Variants in TRIO observed in about 807,000 individuals in gnomAD.
TRIO encodes trio Rho guanine nucleotide exchange factor.
A neutral mutation model predicts 351.9 loss-of-function variants in TRIO; 58 were observed. That is an observed-to-expected ratio of 0.16 (90% CI 0.13 to 0.21). TRIO has a LOEUF of 0.21. TRIO is among the 10% of genes least tolerant of loss of function. TRIO has a pLI of 1.00. For missense variants in TRIO, 3,201 were observed against 4,027.8 expected, an observed-to-expected ratio of 0.79 and a Z score of 5.56; for synonymous variants, 1,758 against 1,595.7, an observed-to-expected ratio of 1.10 and a Z score of -2.42.
intron 11 of TRIO, among the ~76,000 whole-genome samples, chr5:14,356,088 C>A (rs1246684117): frequency 6.6e-6 from 1 of 152,024 alleles, no homozygotes; most frequent in African/African-American, 2.4e-5. Context: ...TTCTTAGGAC[C>A]CTGGGTAACA....
chr5:14,215,445 C>T (rs182120630), intron 1 of TRIO, among the ~76,000 whole-genome samples: 94 of 152,282 alleles, frequency 6.2e-4, no homozygotes, highest in South Asian at 6.2e-4. Flanking sequence ...AGTGAATATG[C>T]TAGTGATAAA....
chr5:14,295,853 T>C (rs1737317293), intron 6 of TRIO, among the ~76,000 whole-genome samples: 1 of 152,208 alleles, frequency 6.6e-6, no homozygotes, highest in Non-Finnish European at 1.5e-5. Flanking sequence ...GTCTGTTAGC[T>C]GATTCTAGCC....
intron 23 of TRIO, 84 bp downstream of exon 23, chr5:14,387,931 T>G: frequency 6.9e-7 from 1 of 1,441,234 alleles, no homozygotes; most frequent in Non-Finnish European, 9.6e-7. Flanking sequence ...CTGTGTGTGC[T>G]TTGAAGTCAC....
At chr5:14,492,920 T>C in intron 49 of TRIO, 106 bp downstream of exon 49, 1 of 1,494,644 alleles carries the variant, frequency 6.7e-7, no homozygotes, top group South Asian at 1.3e-5. Context: ...AAGGGAGATC[T>C]GCGCTGGTAT....
intron 20 of TRIO, among the ~76,000 whole-genome samples, chr5:14,380,360 CCTCG>C: frequency 6.6e-6 from 1 of 151,292 alleles, no homozygotes; most frequent in Non-Finnish European, 1.5e-5. Context: ...CTCGCTCCTC[CCTCG>C]CTCCTGCACC....
At chr5:14,260,239 AC>A (rs1352693507) in intron 1 of TRIO, among the ~76,000 whole-genome samples, 10 of 152,306 alleles carry the variant, frequency 6.6e-5, no homozygotes, top group African/African-American at 2.2e-4. Flanking sequence ...GAAAAGTAAC[AC>A]TTTTAAATGG....
intron 34 of TRIO, among the ~76,000 whole-genome samples, chr5:14,430,020 G>T (rs1362974542): frequency 6.6e-6 from 1 of 152,026 alleles, no homozygotes; most frequent in African/African-American, 2.4e-5. Context: ...GGATCAGTTT[G>T]TTCACTGATA....
At chr5:14,275,442 T>A (rs1735407721) in intron 2 of TRIO, among the ~76,000 whole-genome samples, 1 of 152,178 alleles carries the variant, frequency 6.6e-6, no homozygotes, top group Non-Finnish European at 1.5e-5. Context: ...AACCCCAACT[T>A]GCTTCAATTT....
rs1470578179 is a variant in TRIO, at chr5:14,487,938, C to A, written c.7310C>A (p.Ala2437Glu). 7 of 1,543,600 alleles carry A rather than the reference C, an allele frequency of 4.5e-6. No homozygotes were observed. The highest frequency in any genetic ancestry group is 5.2e-6 in the Non-Finnish European group (6 of 1,144,636). ...AGCCCAGACGCCCCCGCCAAGGACG[C>A]GCGCGCTAGCCTGGGCACCCTGCCG... ...GSSPDAPAKD[A>E]RASLGTLPLG... Residue 2437 changes from alanine (A) to glutamate (E), a missense_variant, in exon 48 of 57, where the codon GCG becomes GAG. Ala to Glu is a moderately radical substitution (Grantham distance 107, BLOSUM62 -1). Around this residue, in one of 19 missense-constraint regions of TRIO, gnomAD observed 1,089 missense variants for 954.9 expected, o/e 1.14. Transcript: ENST00000344204.
chr5:14,439,642 T>C (rs909813488), intron 34 of TRIO, among the ~76,000 whole-genome samples: 1 of 152,216 alleles, frequency 6.6e-6, no homozygotes, highest in Non-Finnish European at 1.5e-5. Context: ...TATTTGGCAA[T>C]AAAGTTGTCT....
At chr5:14,257,942 G>A (rs541764341) in intron 1 of TRIO, among the ~76,000 whole-genome samples, 1 of 152,306 alleles carries the variant, frequency 6.6e-6, no homozygotes, top group African/African-American at 2.4e-5. Flanking sequence ...GCTACTGTTA[G>A]CATTTGTTAG....
intron 1 of TRIO, among the ~76,000 whole-genome samples, chr5:14,169,423 GAAAGATGGAAAATTTC>G (rs1610900): frequency 0.27 from 40,873 of 151,894 alleles, 6,315 homozygotes; most frequent in East Asian, 0.46. Context: ...AATATTGACT[GAAAGATGGAAAATTTC>G]AAAGATGGAA....
At chr5:14,233,820 T>A (rs879150903) in intron 1 of TRIO, among the ~76,000 whole-genome samples, 1 of 152,186 alleles carries the variant, frequency 6.6e-6, no homozygotes, top group African/African-American at 2.4e-5. Flanking sequence ...GTTTTGAGTC[T>A]CACTTTGTCA....
In TRIO at chr5:14,287,087, C is replaced by T. The variant is rs1334901697; in HGVS notation, c.540+24C>T. ...AGGTAACTTCCCCCGTGTGGCTAGA[C>T]CCACTAAACAAGTTGGTGTGGTTTA... is the stretch of plus-strand genomic sequence containing the variant. On this transcript the variant is annotated intron_variant, in intron 4 of 56. Transcript: ENST00000344204. 4 of 1,607,468 alleles carry T rather than the reference C, an allele frequency of 2.5e-6. No individual in the cohort carries two copies. The South Asian group carries it at 4.4e-5, about 18-fold the overall frequency.
intron 4 of TRIO, among the ~76,000 whole-genome samples, chr5:14,290,175 G>A (rs536720854): frequency 4.6e-5 from 7 of 152,292 alleles, no homozygotes; most frequent in Admixed American, 3.9e-4. Flanking sequence ...AGCATTCATC[G>A]TTTAATAGGC....
At chr5:14,266,757 T>C (rs999871097) in intron 1 of TRIO, among the ~76,000 whole-genome samples, 5 of 152,222 alleles carry the variant, frequency 3.3e-5, no homozygotes, top group Non-Finnish European at 5.9e-5. Flanking sequence ...TATATTTAGT[T>C]AACAACTATA....
chr5:14,467,296 A>G (rs1754331627), intron 37 of TRIO, among the ~76,000 whole-genome samples: 1 of 152,206 alleles, frequency 6.6e-6, no homozygotes, highest in Non-Finnish European at 1.5e-5. Context: ...CAGATATATC[A>G]TTCCCATTTC....
At chr5:14,201,362 A>G (rs908023741) in intron 1 of TRIO, among the ~76,000 whole-genome samples, 1 of 152,368 alleles carries the variant, frequency 6.6e-6, no homozygotes, top group South Asian at 2.1e-4. Flanking sequence ...AAAGTACGAC[A>G]TGAGTTAAAA....
At chr5:14,391,694 G>A (rs1747096383) in intron 27 of TRIO, among the ~76,000 whole-genome samples, 1 of 152,242 alleles carries the variant, frequency 6.6e-6, no homozygotes, top group Non-Finnish European at 1.5e-5. Flanking sequence ...TGAATAGTGT[G>A]CATAGTTTGG....
Sources: allele counts gnomAD v4.1 joint callset (sites outside exome capture counted in the v4.1 genomes callset), GRCh38; gene constraint gnomAD v4.1.1; regional missense constraint gnomAD v4.1.1; transcripts MANE v1.5; gene names NCBI Gene and HGNC (gene_info 2026-07-23, HGNC 2026-07-21).